The following CCSER1 variants were observed in gnomAD, a reference collection of about 807,000 sequenced individuals.
CCSER1 encodes the protein serine-rich coiled-coil domain-containing protein 1.
A neutral mutation model predicts 82.0 loss-of-function variants in CCSER1; 41 were observed. That is an observed-to-expected ratio of 0.50 (90% CI 0.39 to 0.65). The LOEUF is 0.65. Ranked by LOEUF, CCSER1 falls within the 30% of genes least tolerant of loss-of-function variation. The pLI, the probability that CCSER1 is intolerant of heterozygous loss-of-function variation, is 0.00. For synonymous variants in CCSER1, 414 were observed against 383.9 expected, an observed-to-expected ratio of 1.08 and a Z score of -0.92; for missense variants, 1,119 against 1,064.2, an observed-to-expected ratio of 1.05 and a Z score of -0.72.
intron 10 of CCSER1, among the ~76,000 whole-genome samples, chr4:91,287,469 G>T (rs953630390): frequency 6.6e-6 from 1 of 151,110 alleles, no homozygotes; most frequent in Admixed American, 6.6e-5. Context: ...TTCATTCTTT[G>T]CCAGGCTTAT....
intron 10 of CCSER1, among the ~76,000 whole-genome samples, chr4:91,215,158 G>A (rs1392257014): frequency 6.6e-6 from 1 of 151,938 alleles, no homozygotes; most frequent in Admixed American, 6.6e-5. Context: ...ACCTATATAT[G>A]GTGAGCCTTG....
At chr4:90,506,610 A>G (rs1770721133) in intron 5 of CCSER1, among the ~76,000 whole-genome samples, 1 of 151,950 alleles carries the variant, frequency 6.6e-6, no homozygotes. Context: ...TAAAAAATAC[A>G]AAAAATTAGC....
intron 5 of CCSER1, chr4:90,468,559 A>G: frequency 2.3e-6 from 1 of 436,552 alleles, no homozygotes; most frequent in Non-Finnish European, 3.9e-6. Context: ...TGTGTCATTC[A>G]AGTTTCATTT....
intron 7 of CCSER1, among the ~76,000 whole-genome samples, chr4:90,795,847 A>C (rs1163483085): frequency 2.0e-5 from 3 of 151,058 alleles, no homozygotes; most frequent in African/African-American, 4.9e-5. Flanking sequence ...GATAAAGCCT[A>C]CTTGATTATG....
At chr4:91,293,435 C>T (rs1031634615) in intron 10 of CCSER1, among the ~76,000 whole-genome samples, 1 of 151,816 alleles carries the variant, frequency 6.6e-6, no homozygotes, top group Admixed American at 6.6e-5. Flanking sequence ...GAGTCTTTTT[C>T]TAATGTATTA....
intron 6 of CCSER1, among the ~76,000 whole-genome samples, chr4:90,705,662 C>T (rs1418813777): frequency 6.6e-6 from 1 of 152,202 alleles, no homozygotes; most frequent in Non-Finnish European, 1.5e-5. Flanking sequence ...CTACTCAAGC[C>T]TCAGCAATGG....
intron 8 of CCSER1, among the ~76,000 whole-genome samples, chr4:90,890,828 A>AT (rs1352577425): frequency 6.6e-6 from 1 of 152,046 alleles, no homozygotes; most frequent in Non-Finnish European, 1.5e-5. Context: ...ATTTTGATTT[A>AT]TTTTGTTTTG....
chr4:90,710,189 C>G (rs568929639), intron 6 of CCSER1, among the ~76,000 whole-genome samples: 1 of 152,034 alleles, frequency 6.6e-6, no homozygotes. Context: ...GGATATTAGA[C>G]CTTTGTCCCT....
In CCSER1 at chr4:90,467,110, G is replaced by C. The variant is rs768404986; in HGVS notation, c.1604-1124G>C. Among the ~76,000 whole-genome samples, 3 of 152,228 alleles carry C rather than the reference G, an allele frequency of 2.0e-5. No individual in the cohort carries two copies. The East Asian group carries it at 5.8e-4, about 29-fold the overall frequency. ...ACACATAAAAGAATATGCGTGGGCC[G>C]GGTGCAGTGGCTCATGTCTGTAATC... On this transcript the variant is annotated intron_variant, in intron 4 of 10. Transcript: ENST00000509176.
In CCSER1 at chr4:91,334,806, G is replaced by T. The variant is rs111684593; in HGVS notation, c.2217+248812G>T. Among the ~76,000 whole-genome samples, 1,431 of 151,944 alleles carry T rather than the reference G, an allele frequency of 9.4e-3. 11 individuals are homozygous for T. Among genetic ancestry groups the T allele is most frequent in the Non-Finnish European group, 0.014 (944 of 67,936 alleles). On this transcript the variant is annotated intron_variant, in intron 10 of 10. Transcript: ENST00000509176. ...TCCAATTGTATGTCTATCTGTGTTG[G>T]CCATTCTATATTAAAGCCATATCTG... is the stretch of plus-strand genomic sequence containing the variant.
intron 1 of CCSER1, among the ~76,000 whole-genome samples, chr4:90,180,255 T>C (rs1181063108): frequency 6.6e-6 from 1 of 152,016 alleles, no homozygotes; most frequent in African/African-American, 2.4e-5. Context: ...GAACAAACTT[T>C]CTGAAGTATC....
intron 10 of CCSER1, among the ~76,000 whole-genome samples, chr4:91,306,798 C>T (rs1745099226): frequency 6.6e-6 from 1 of 151,954 alleles, no homozygotes; most frequent in Admixed American, 6.6e-5. Context: ...TTGACCACAG[C>T]TATTAATTTA....
chr4:91,172,367 G>T (rs1318443401), intron 10 of CCSER1, among the ~76,000 whole-genome samples: 2 of 152,160 alleles, frequency 1.3e-5, no homozygotes, highest in East Asian at 3.8e-4. Context: ...TCATGTGGAT[G>T]CATTGATGGA....
chr4:91,420,036 T>C (rs1490020577), intron 10 of CCSER1, among the ~76,000 whole-genome samples: 1 of 152,038 alleles, frequency 6.6e-6, no homozygotes, highest in Non-Finnish European at 1.5e-5. Context: ...TTACAACATA[T>C]ACAAATATTA....
intron 8 of CCSER1, among the ~76,000 whole-genome samples, chr4:90,853,035 G>C (rs1396892298): frequency 6.6e-6 from 1 of 151,908 alleles, no homozygotes; most frequent in Non-Finnish European, 1.5e-5. Context: ...GAGAGATAAA[G>C]TACGGAATAA....
At chr4:91,351,992 A>G (rs557292884) in intron 10 of CCSER1, among the ~76,000 whole-genome samples, 64 of 152,304 alleles carry the variant, frequency 4.2e-4, no homozygotes, top group African/African-American at 1.5e-3. Context: ...AGAAGTACCA[A>G]TGGTCAAAAA....
chr4:90,995,809 T>C (rs1214156387), intron 9 of CCSER1, among the ~76,000 whole-genome samples: 1 of 152,100 alleles, frequency 6.6e-6, no homozygotes, highest in African/African-American at 2.4e-5. Flanking sequence ...AAAAGATCCA[T>C]AGTTGATTTG....
intron 1 of CCSER1, among the ~76,000 whole-genome samples, chr4:90,158,460 T>G (rs547442048): frequency 1.4e-4 from 22 of 152,312 alleles, no homozygotes; most frequent in African/African-American, 4.3e-4. Context: ...CTTTTTGTTT[T>G]TGTGTGCCCT....
intron 10 of CCSER1, among the ~76,000 whole-genome samples, chr4:91,116,839 A>G (rs1050828283): frequency 2.0e-5 from 3 of 152,170 alleles, no homozygotes; most frequent in African/African-American, 7.2e-5. Context: ...TGGGAATTAT[A>G]TATTTTTTCT....
Sources: allele counts gnomAD v4.1 joint callset (sites outside exome capture counted in the v4.1 genomes callset), GRCh38; gene constraint gnomAD v4.1.1; transcripts MANE v1.5; gene names NCBI Gene and HGNC (gene_info 2026-07-23, HGNC 2026-07-21).